The following HDAC9 variants were observed in gnomAD, a reference collection of about 807,000 sequenced individuals.
HDAC9 encodes MEF-2 interacting transcription repressor (MITR) protein.
A neutral mutation model predicts 139.4 loss-of-function variants in HDAC9; 41 were observed. That is an observed-to-expected ratio of 0.29 (90% CI 0.23 to 0.38). The LOEUF (loss-of-function observed/expected upper bound fraction) is 0.38. Ranked by LOEUF, HDAC9 falls within the 10% of genes least tolerant of loss-of-function variation. The pLI is 1.00. For synonymous variants in HDAC9, 517 were observed against 476.2 expected (o/e 1.09, Z -1.12); for missense variants, 1,147 against 1,297.0 (o/e 0.88, Z 1.78).
At chr7:18,272,996 CTCT>C (rs1288406123) in intron 2 of HDAC9, among the ~76,000 whole-genome samples, 20 of 139,818 alleles carry the variant, frequency 1.4e-4, no homozygotes, top group East Asian at 3.9e-4. Context: ...CCTCCTCCTC[CTCT>C]TCTTCTTCTT....
At chr7:18,689,096 C>T (rs191573417) in intron 12 of HDAC9, among the ~76,000 whole-genome samples, 16 of 152,050 alleles carry the variant, frequency 1.1e-4, no homozygotes, top group South Asian at 2.1e-4. Context: ...CAAAGACTTA[C>T]GTTGAAAAAT....
At chr7:18,547,586 T>G (rs1339090315) in intron 2 of HDAC9, among the ~76,000 whole-genome samples, 1 of 152,208 alleles carries the variant, frequency 6.6e-6, no homozygotes, top group Non-Finnish European at 1.5e-5. Flanking sequence ...CTGCATCGAT[T>G]GACTTTTCCT....
chr7:18,422,715 C>T (rs1242521706), intron 1 of HDAC9, among the ~76,000 whole-genome samples: 2 of 147,224 alleles, frequency 1.4e-5, no homozygotes, highest in Non-Finnish European at 3.0e-5. Flanking sequence ...ACAGGCCAAC[C>T]TGTCATTAGC....
chr7:18,384,666 G>T (rs1054388692), intron 1 of HDAC9, among the ~76,000 whole-genome samples: 1 of 152,066 alleles, frequency 6.6e-6, no homozygotes, highest in Admixed American at 6.6e-5. Context: ...GCAGAAAGCA[G>T]CAGGGTTGTG....
At chr7:18,454,595 A>C (rs1262827281) in intron 1 of HDAC9, among the ~76,000 whole-genome samples, 1 of 152,020 alleles carries the variant, frequency 6.6e-6, no homozygotes, top group East Asian at 1.9e-4. Context: ...AGAAACATAC[A>C]TCATTATAAG....
intron 24 of HDAC9, among the ~76,000 whole-genome samples, chr7:18,970,881 G>A (rs1784203241): frequency 6.6e-6 from 1 of 152,154 alleles, no homozygotes; most frequent in African/African-American, 2.4e-5. Flanking sequence ...AGGGATTTCT[G>A]GGGTCAGGAA....
chr7:18,220,623 T>G (rs1403456915), intron 2 of HDAC9, among the ~76,000 whole-genome samples: 1 of 152,174 alleles, frequency 6.6e-6, no homozygotes, highest in Non-Finnish European at 1.5e-5. Context: ...GTGAATAAAT[T>G]GACCTAACCT....
At chr7:18,150,783 A>T (rs1262043489) in intron 1 of HDAC9, among the ~76,000 whole-genome samples, 1 of 152,232 alleles carries the variant, frequency 6.6e-6, no homozygotes, top group Non-Finnish European at 1.5e-5. Context: ...TCAGAGATAA[A>T]ATTAAGTGCA....
intron 1 of HDAC9, among the ~76,000 whole-genome samples, chr7:18,365,361 A>G (rs997291573): frequency 2.0e-5 from 3 of 152,122 alleles, no homozygotes; most frequent in African/African-American, 4.8e-5. Context: ...GATAAGAGCT[A>G]TGTATGTCAT....
chr7:18,940,980 G>T (rs1371903173), intron 23 of HDAC9, among the ~76,000 whole-genome samples: 2 of 152,062 alleles, frequency 1.3e-5, no homozygotes, highest in South Asian at 2.1e-4. Context: ...AATAAATGAT[G>T]ATTTCTAAGC....
chr7:18,537,471 T>C (rs1279971459), intron 2 of HDAC9, among the ~76,000 whole-genome samples: 1 of 152,040 alleles, frequency 6.6e-6, no homozygotes, highest in Non-Finnish European at 1.5e-5. Context: ...AGACCACAAA[T>C]TAATGAGTGA....
chr7:18,980,749 C>CTTCTTCTTCT (rs1784878885), intron 25 of HDAC9, among the ~76,000 whole-genome samples: 4 of 135,022 alleles, frequency 3.0e-5, no homozygotes, highest in African/African-American at 1.3e-4. Flanking sequence ...CTTCTTCCTT[C>CTTCTTCTTCT]TTCTTCTTCC....
In HDAC9 at chr7:18,732,552, T is replaced by TAC. The variant is rs1441931725; in HGVS notation, c.1909+4796_1909+4797insCA. Among the ~76,000 whole-genome samples, 11 of 4,054 alleles carry TAC rather than the reference T, an allele frequency of 2.7e-3. 2 individuals are homozygous for TAC. The highest frequency in any genetic ancestry group is 3.7e-3 in the African/African-American group (2 of 542). 2.7% of individuals were successfully genotyped at this position (4,054 alleles called of 152,430 possible). On this transcript the variant is annotated intron_variant, in intron 13 of 25. Coordinates refer to ENST00000686413, the MANE Select transcript of HDAC9 (RefSeq NM_178425.4). Reference sequence around the variant, plus strand: ...TGTGTATATATGTGTATATAATGTATATACACACGTGTATATATGTGCATG... The same window carrying TAC: ...TGTGTATATATGTGTATATAATGTATACATACACACGTGTATATATGTGCATG...
chr7:18,972,527 T>C (rs1406711660), intron 24 of HDAC9, among the ~76,000 whole-genome samples: 1 of 151,974 alleles, frequency 6.6e-6, no homozygotes, highest in African/African-American at 2.4e-5. Context: ...ATTATAGGCA[T>C]GCACCACCAC....
chr7:18,390,571 G>T (rs925314715), intron 1 of HDAC9, among the ~76,000 whole-genome samples: 4 of 152,076 alleles, frequency 2.6e-5, no homozygotes, highest in Non-Finnish European at 5.9e-5. Flanking sequence ...TATATTCTGT[G>T]TCCGGCTTTT....
intron 24 of HDAC9, among the ~76,000 whole-genome samples, chr7:18,967,152 T>A (rs1783913737): frequency 6.6e-6 from 1 of 152,136 alleles, no homozygotes. Flanking sequence ...TAGTTATTAT[T>A]GACCAAAACA....
chr7:18,378,691 G>C (rs752689216), intron 1 of HDAC9, among the ~76,000 whole-genome samples: 2 of 152,066 alleles, frequency 1.3e-5, no homozygotes, highest in African/African-American at 2.4e-5. Context: ...ATATAAATAT[G>C]TTTATGTATA....
chr7:18,725,260 G>A (rs1410482123), intron 12 of HDAC9, among the ~76,000 whole-genome samples: 1 of 152,136 alleles, frequency 6.6e-6, no homozygotes, highest in Non-Finnish European at 1.5e-5. Context: ...TTAAAATGTA[G>A]TTTTTAATAC....
chr7:18,377,160 G>A (rs1785055660), intron 1 of HDAC9, among the ~76,000 whole-genome samples: 1 of 152,094 alleles, frequency 6.6e-6, no homozygotes, highest in Non-Finnish European at 1.5e-5. Context: ...GTGGGAGCCT[G>A]CTTCCTGATT....
Sources: allele counts gnomAD v4.1 joint callset (sites outside exome capture counted in the v4.1 genomes callset), GRCh38; gene constraint gnomAD v4.1.1; transcripts MANE v1.5; gene names NCBI Gene and HGNC (gene_info 2026-07-23, HGNC 2026-07-21).